The following DGKG variants were observed in gnomAD, a reference collection of about 807,000 sequenced individuals.
The protein encoded by DGKG is DAG kinase gamma.
DGKG carries 78 observed loss-of-function variants against 105.3 expected under a neutral mutation model. That is an observed-to-expected ratio of 0.74 (90% CI 0.62 to 0.89). The LOEUF is 0.89. Among genes scored for constraint, DGKG ranks in the 40% least tolerant of loss-of-function variants. DGKG has a pLI of 0.00. For missense variants in DGKG, 958 were observed against 1,020.1 expected, an observed-to-expected ratio of 0.94 and a Z score of 0.83; for synonymous variants, 346 against 367.1, an observed-to-expected ratio of 0.94 and a Z score of 0.66.
intron 22 of DGKG, among the ~76,000 whole-genome samples, chr3:186,182,886 C>T (rs1239059281): frequency 5.9e-5 from 9 of 152,124 alleles, no homozygotes; most frequent in Admixed American, 1.3e-4. Flanking sequence ...AGATAAAGAA[C>T]ATGTGATCCT....
At chr3:186,250,980 G>C (rs978772034) in intron 19 of DGKG, among the ~76,000 whole-genome samples, 1 of 152,036 alleles carries the variant, frequency 6.6e-6, no homozygotes, top group Non-Finnish European at 1.5e-5. Context: ...ACAGCAGCCT[G>C]GGAAGCAGTG....
intron 1 of DGKG, among the ~76,000 whole-genome samples, chr3:186,343,586 A>C (rs67471462): frequency 0.28 from 42,656 of 152,076 alleles, 6,643 homozygotes; most frequent in African/African-American, 0.42. Context: ...CACCTGGACT[A>C]TCTTATTTTT....
At chr3:186,307,302 C>T (rs111264189) in intron 2 of DGKG, among the ~76,000 whole-genome samples, 2,960 of 152,296 alleles carry the variant, frequency 0.019, 88 homozygotes, top group African/African-American at 0.067. Flanking sequence ...GAATACCAGC[C>T]CTTGGTGATT....
At chr3:186,217,318 C>T (rs1169301596) in intron 20 of DGKG, among the ~76,000 whole-genome samples, 5 of 152,088 alleles carry the variant, frequency 3.3e-5, no homozygotes, top group Non-Finnish European at 7.3e-5. Flanking sequence ...ATGACTAATC[C>T]TTAACCAGCT....
intron 22 of DGKG, among the ~76,000 whole-genome samples, chr3:186,185,626 C>T (rs933662309): frequency 2.6e-5 from 4 of 152,022 alleles, no homozygotes; most frequent in Non-Finnish European, 5.9e-5. Context: ...GATACCAGAG[C>T]GGGGGTTGAG....
At chr3:186,311,500 C>T (rs1037573331) in intron 2 of DGKG, among the ~76,000 whole-genome samples, 13 of 152,144 alleles carry the variant, frequency 8.5e-5, no homozygotes, top group East Asian at 1.9e-4. Context: ...TGTCCTAAAT[C>T]GGGTGTTCAG....
At chr3:186,216,461 G>T (rs1560099776) in intron 20 of DGKG, among the ~76,000 whole-genome samples, 1 of 152,070 alleles carries the variant, frequency 6.6e-6, no homozygotes, top group Non-Finnish European at 1.5e-5. Flanking sequence ...TGGCCCTTTG[G>T]TTTTGCACTC....
intron 21 of DGKG, among the ~76,000 whole-genome samples, chr3:186,200,700 C>T (rs899145503): frequency 2.6e-5 from 4 of 152,154 alleles, no homozygotes; most frequent in South Asian, 2.1e-4. Context: ...GTGTGTGCTC[C>T]GAGTTCTCTG....
At chr3:186,176,766 A>G (rs954437928) in intron 22 of DGKG, among the ~76,000 whole-genome samples, 2 of 152,250 alleles carry the variant, frequency 1.3e-5, no homozygotes, top group African/African-American at 4.8e-5. Context: ...ATCTAGTGCT[A>G]GATCCAAGTA....
At chr3:186,185,250 C>T (rs1368760719) in intron 22 of DGKG, among the ~76,000 whole-genome samples, 1 of 152,222 alleles carries the variant, frequency 6.6e-6, no homozygotes, top group Non-Finnish European at 1.5e-5. Context: ...TCAGTGCTGG[C>T]ATCTCTGCAA....
chr3:186,154,544 C>A lies in DGKG; in HGVS notation c.2278-4356G>T, dbSNP rs573667420. On this transcript the variant is annotated intron_variant, in intron 24 of 24. Coordinates refer to ENST00000265022, the MANE Select transcript of DGKG (RefSeq NM_001346.3). ...CCTGGAATTCCAGCTACTTGGGAGGCCAAGGCAGGAGAATCACTTGAACCT... is the reference window on the plus strand; with the variant it reads ...CCTGGAATTCCAGCTACTTGGGAGGACAAGGCAGGAGAATCACTTGAACCT... Among the ~76,000 whole-genome samples, 206 of 150,874 alleles carry A rather than the reference C, an allele frequency of 1.4e-3. 4 individuals are homozygous for A. The highest frequency in any genetic ancestry group is 0.011 in the Admixed American group (165 of 15,096).
At chr3:186,206,398 C>CA (rs747941808) in intron 21 of DGKG, among the ~76,000 whole-genome samples, 179 of 143,744 alleles carry the variant, frequency 1.2e-3, no homozygotes, top group East Asian at 6.2e-3. Flanking sequence ...CAAAACAAAA[C>CA]AAAACAAAAA....
At position 186,150,118 on chromosome 3, in the gene DGKG, A is replaced by G; in HGVS notation, c.2348T>C (p.Leu783Ser). 6.2e-7 allele frequency: 1 copy of G among 1,613,680 alleles called. No homozygotes were observed. The highest frequency in any genetic ancestry group is 8.5e-7 in the Non-Finnish European group (1 of 1,179,820). ...GPPQKSSFFSLRRKSRSKD is the reference protein window; with the variant it reads ...GPPQKSSFFSSRRKSRSKD ...GTCTTTTGAACGGCTCTTCCTTCTC[A>G]ACGAGAAGAAGCTGCTCTTCTGGGG... Residue 783 changes from leucine to serine, a missense_variant, in exon 25 of 25, where the codon TTG (leucine) becomes TCG (serine). Physicochemically the swap from Leu to Ser is moderately radical, Grantham distance 145 (BLOSUM62 -2). Around this residue, in one of 2 missense-constraint regions of DGKG, gnomAD observed 315 missense variants for 400.6 expected, o/e 0.79. Transcript: ENST00000265022.
At chr3:186,351,968 G>T (rs905096514) in intron 1 of DGKG, among the ~76,000 whole-genome samples, 3 of 152,200 alleles carry the variant, frequency 2.0e-5, no homozygotes, top group East Asian at 1.9e-4. Flanking sequence ...CATTGGCATA[G>T]TTGGTAGCAC....
intron 6 of DGKG, among the ~76,000 whole-genome samples, chr3:186,286,525 A>G (rs2108601223): frequency 6.6e-6 from 1 of 152,300 alleles, no homozygotes; most frequent in Middle Eastern, 3.4e-3. Context: ...CAAAGTACTT[A>G]GCAAATAGAA....
chr3:186,237,587 A>G (rs1421050896), intron 20 of DGKG, among the ~76,000 whole-genome samples: 1 of 152,186 alleles, frequency 6.6e-6, no homozygotes, highest in Admixed American at 6.5e-5. Context: ...CATTTCTAAA[A>G]TGGGGACAGT....
intron 1 of DGKG, among the ~76,000 whole-genome samples, chr3:186,330,690 G>C (rs370438189): frequency 6.6e-6 from 1 of 152,204 alleles, no homozygotes; most frequent in Non-Finnish European, 1.5e-5. Flanking sequence ...TGAAGCCCAA[G>C]ATGTAAGACC....
intron 9 of DGKG, among the ~76,000 whole-genome samples, chr3:186,276,783 G>A (rs1381297960): frequency 6.6e-6 from 1 of 152,172 alleles, no homozygotes; most frequent in Non-Finnish European, 1.5e-5. Flanking sequence ...AACACTCTTG[G>A]GCTGGTTTCA....
rs755284761 is a variant in DGKG, at chr3:186,306,988, A to G, written c.68-11T>C. 1.3e-6 allele frequency: 2 copies of G among 1,592,372 alleles called. No individual in the cohort carries two copies. Among genetic ancestry groups the G allele is most frequent in the Non-Finnish European group, 1.7e-6 (2 of 1,160,440 alleles). On this transcript the variant is annotated splice_polypyrimidine_tract_variant and intron_variant, in intron 2 of 24. Transcript: ENST00000265022. The stretch of plus-strand genomic sequence containing the variant: ...TCTTCTTGGAGGAATCTGAAGAGAC[A>G]CAATTCACATGTGAAACACTGGCAA...
Sources: gnomAD v4.1 joint callset for allele counts (sites outside exome capture counted in the v4.1 genomes callset) on GRCh38, gnomAD v4.1.1 for gene constraint, gnomAD v4.1.1 regional missense constraint, MANE v1.5 for transcripts, NCBI Gene and HGNC (gene_info 2026-07-23, HGNC 2026-07-21) for gene names.